The following ALG9 variants were observed in gnomAD, a reference collection of about 807,000 sequenced individuals.
ALG9 encodes ALG9 alpha-1,2-mannosyltransferase, also known as alpha-1,2-mannosyltransferase ALG9.
Under a neutral mutation model 81.8 loss-of-function variants are expected in ALG9, and 55 were observed. The observed-to-expected ratio is 0.67, with a 90% CI of 0.54 to 0.84. The LOEUF is 0.84. Among genes scored for constraint, ALG9 ranks in the 40% least tolerant of loss-of-function variants. ALG9 has a pLI of 0.00. For synonymous variants in ALG9, 278 were observed against 274.3 expected, an observed-to-expected ratio of 1.01 and a Z score of -0.13; for missense variants, 629 against 745.0, an observed-to-expected ratio of 0.84 and a Z score of 1.81.
Position 111,784,168 on chromosome 11 carries a change from A to G in ALG9, c.*2229T>C, listed in dbSNP as rs372442946. The G allele has an allele frequency of 6.6e-6, 1 of 152,368 alleles. No individual in the cohort carries two copies. The highest frequency in any genetic ancestry group is 2.4e-5 in the African/African-American group (1 of 41,578). The allele number at this position is 152,368 out of a possible 1,614,324, so 9.4% of individuals were successfully genotyped here. A position where few individuals can be genotyped will look rare whatever the true frequency, so the allele number is the denominator to read the frequency against. ...TGCTAGTTTTACACTGGAAAATAGT[A>G]ATCAAGAATTGAGAATTAAATGCCA... On this transcript the variant is annotated 3_prime_UTR_variant, in exon 15 of 15. Transcript: ENST00000616540.
At chr11:111,809,984 G>C (rs1050286767) in intron 13 of ALG9, among the ~76,000 whole-genome samples, 1 of 152,126 alleles carries the variant, frequency 6.6e-6, no homozygotes, top group African/African-American at 2.4e-5. Context: ...GGTAAGCTTT[G>C]GCTGGTCTGA....
chr11:111,870,167 G>A (rs1555156974), intron 2 of ALG9, 65 bp downstream of exon 2: 9 of 1,506,294 alleles, frequency 6.0e-6, no homozygotes, highest in East Asian at 2.4e-5. Context: ...TTTGTCTCTC[G>A]ATTGGTAATA....
At chr11:111,804,341 T>A (rs1303619375) in intron 14 of ALG9, among the ~76,000 whole-genome samples, 1 of 152,100 alleles carries the variant, frequency 6.6e-6, no homozygotes, top group African/African-American at 2.4e-5. Context: ...CTGTCAACAG[T>A]GAGAAGACAA....
At position 111,838,331 on chromosome 11, in the gene ALG9, A is replaced by G; in HGVS notation, c.1242T>C (p.Thr414=). The G allele has an allele frequency of 6.2e-7, 1 of 1,614,040 alleles. No homozygotes were observed. The highest frequency in any genetic ancestry group is 8.5e-7 in the Non-Finnish European group (1 of 1,179,856). The change falls in exon 11 of 15, where the codon ACT becomes ACC. Residue 414 remains threonine, a synonymous_variant. Transcript: ENST00000616540. ...CTAATGCCAGCCAATTCGATGTCAC[A>G]GTATAGTGCTCCAGGCGATATCGTT... ...VFQRYRLEHY[T]VTSNWLALGT...
chr11:111,840,576 T>C, intron 10 of ALG9, 79 bp downstream of exon 10: 2 of 1,537,856 alleles, frequency 1.3e-6, no homozygotes, highest in Non-Finnish European at 1.8e-6. Context: ...AAGCATTCTG[T>C]AATTTGCACT....
rs373830702 is a variant in ALG9 at position 111,786,434 on chromosome 11, C to T, written c.1820G>A (p.Arg607Gln). Residue 607 changes from arginine to glutamine, a missense_variant, in exon 15 of 15, where the codon CGG (arginine) becomes CAG (glutamine). By Grantham distance (43) the Arg-to-Gln change is conservative (BLOSUM62 1). This residue lies in a region of ALG9 where 264 missense variants were observed against 302.2 expected (regional missense o/e 0.87). Transcript: ENST00000616540. The part of the protein sequence containing the change: ...VYVNYTILKP[R>Q]KAKQIRKKSG... ...TTTCTTCCTGATTTGCTTTGCTTTCCGGGGTTTGAGGATGGTGTAGTTTAC... is the reference window on the plus strand; with the variant it reads ...TTTCTTCCTGATTTGCTTTGCTTTCTGGGGTTTGAGGATGGTGTAGTTTAC... The T allele has an allele frequency of 1.7e-5, 27 of 1,613,826 alleles. No individual in the cohort carries two copies. Among genetic ancestry groups the T allele is most frequent in the Non-Finnish European group, 2.0e-5 (24 of 1,179,986 alleles).
Position 111,838,675 on chromosome 11 carries a change from T to A in ALG9, c.1174-276A>T, listed in dbSNP as rs535615960. On this transcript the variant is annotated intron_variant, in intron 10 of 14. Transcript: ENST00000616540. ...TATAGTCCTAATAAGTTATTTTTTT[T>A]AAATATTTAAGCAATGCTTTTTTGG... Among the ~76,000 whole-genome samples, 71 of 152,310 alleles carry A rather than the reference T, an allele frequency of 4.7e-4. 1 individual carries two copies. The highest frequency in any genetic ancestry group is 2.6e-3 in the Admixed American group (40 of 15,304).
chr11:111,822,321 A>C (rs912997531), intron 13 of ALG9, among the ~76,000 whole-genome samples: 1 of 145,954 alleles, frequency 6.9e-6, no homozygotes. Context: ...AGGCAGGAGG[A>C]TCGCTTAAGC....
At chr11:111,803,239 T>A (rs1330319142) in intron 14 of ALG9, among the ~76,000 whole-genome samples, 1 of 152,122 alleles carries the variant, frequency 6.6e-6, no homozygotes, top group South Asian at 2.1e-4. Context: ...CAGTAGCTCA[T>A]GCCTGTAATC....
At chr11:111,788,307 T>G (rs1326895240) in intron 14 of ALG9, 1 of 424,582 alleles carries the variant, frequency 2.4e-6, no homozygotes, top group African/African-American at 2.1e-5. Context: ...CAGTGCCCTG[T>G]GCTCTGTAAG....
Position 111,844,629 on chromosome 11 carries a change from A to G in ALG9, c.990T>C (p.Leu330=). 6.2e-7 allele frequency: 1 copy of G among 1,614,142 alleles called. No homozygotes were observed. Among genetic ancestry groups the G allele is most frequent in the Non-Finnish European group, 8.5e-7 (1 of 1,180,010 alleles). The change falls in exon 9 of 15, where the codon CTT becomes CTC. Residue 330 remains leucine, a synonymous_variant. Transcript: ENST00000616540. The stretch of plus-strand genomic sequence containing the variant: ...GAAATCTCTGCAGCAGGTATTCCAT[A>G]AGAGAAGTCAGTGGTAGGACTAGGA... ...LALLVLPLTS[L]MEYLLQRFHV... is the part of the protein sequence containing the mutation.
chr11:111,808,580 A>G (rs1422256162), intron 14 of ALG9, among the ~76,000 whole-genome samples: 1 of 152,078 alleles, frequency 6.6e-6, no homozygotes, highest in African/African-American at 2.4e-5. Context: ...ATCCTGATCA[A>G]TATTCTGTTT....
intron 4 of ALG9, 93 bp from the exon 5 acceptor site, chr11:111,860,728 A>T: frequency 1.1e-6 from 1 of 951,730 alleles, no homozygotes. Context: ...ATAACACTGA[A>T]GATCTAAAGT....
intron 13 of ALG9, among the ~76,000 whole-genome samples, chr11:111,814,131 C>T (rs1951134567): frequency 6.6e-6 from 1 of 151,988 alleles, no homozygotes; most frequent in South Asian, 2.1e-4. Context: ...CACCCGTCAA[C>T]AGTAAAATAA....
At chr11:111,811,185 G>C (rs1950654755) in intron 13 of ALG9, among the ~76,000 whole-genome samples, 1 of 152,134 alleles carries the variant, frequency 6.6e-6, no homozygotes, top group Non-Finnish European at 1.5e-5. Flanking sequence ...TAATTTACAA[G>C]CATTTGAAAA....
chr11:111,829,785 C>G (rs1313964297), intron 13 of ALG9, among the ~76,000 whole-genome samples: 1 of 152,212 alleles, frequency 6.6e-6, no homozygotes, highest in Non-Finnish European at 1.5e-5. Context: ...GTGACATCAT[C>G]TCAACTCTCA....
intron 13 of ALG9, among the ~76,000 whole-genome samples, chr11:111,815,811 T>C (rs1271584166): frequency 6.6e-6 from 1 of 152,228 alleles, no homozygotes; most frequent in African/African-American, 2.4e-5. Flanking sequence ...ACTATAAAAA[T>C]AGCTGGAATA....
chr11:111,817,830 G>A (rs1331149009), intron 13 of ALG9, among the ~76,000 whole-genome samples: 2 of 148,880 alleles, frequency 1.3e-5, no homozygotes, highest in African/African-American at 5.0e-5. Context: ...AGGCTGGAGT[G>A]CAGTGGTGCG....
chr11:111,855,185 T>A (rs1232594972), intron 6 of ALG9, among the ~76,000 whole-genome samples: 1 of 152,232 alleles, frequency 6.6e-6, no homozygotes. Flanking sequence ...GCAGGCCACA[T>A]ATGTTCTCTG....
Sources: allele counts gnomAD v4.1 joint callset (sites outside exome capture counted in the v4.1 genomes callset), GRCh38; gene constraint gnomAD v4.1.1; regional missense constraint gnomAD v4.1.1; transcripts MANE v1.5; gene names NCBI Gene and HGNC (gene_info 2026-07-23, HGNC 2026-07-21).